Variants in EXT1 observed in about 807,000 individuals in gnomAD.
EXT1 encodes the protein exostosin-1.
A neutral mutation model predicts 82.5 loss-of-function variants in EXT1; 20 were observed. The observed-to-expected ratio is 0.24, with a 90% CI of 0.17 to 0.35. EXT1 has a LOEUF of 0.35. EXT1 is among the 10% of genes least tolerant of loss of function. The pLI is 1.00. For missense variants in EXT1, 757 were observed against 936.5 expected (o/e 0.81, Z 2.50); for synonymous variants, 348 against 350.8 (o/e 0.99, Z 0.09).
At chr8:117,971,514 C>G (rs553479656) in intron 1 of EXT1, among the ~76,000 whole-genome samples, 55 of 152,292 alleles carry the variant, frequency 3.6e-4, no homozygotes, top group African/African-American at 1.2e-3. Flanking sequence ...ATTAGAGAAG[C>G]AGTCTACTCA....
chr8:117,944,315 C>T (rs1455060053), intron 1 of EXT1, among the ~76,000 whole-genome samples: 2 of 152,096 alleles, frequency 1.3e-5, no homozygotes, highest in Non-Finnish European at 2.9e-5. Context: ...CAGGAGAATC[C>T]CTGGAATCCG....
At chr8:117,996,539 A>G (rs1218023229) in intron 1 of EXT1, among the ~76,000 whole-genome samples, 1 of 152,172 alleles carries the variant, frequency 6.6e-6, no homozygotes, top group Non-Finnish European at 1.5e-5. Context: ...GAGACCCTAT[A>G]CATCGTGGAA....
At chr8:117,811,192 T>C (rs913217801) in intron 8 of EXT1, among the ~76,000 whole-genome samples, 4 of 152,172 alleles carry the variant, frequency 2.6e-5, no homozygotes, top group African/African-American at 7.2e-5. Flanking sequence ...GGATATAGCC[T>C]GGAACTGTGT....
intron 1 of EXT1, among the ~76,000 whole-genome samples, chr8:117,995,804 C>T (rs77011593): frequency 6.6e-6 from 1 of 152,300 alleles, no homozygotes; most frequent in Non-Finnish European, 1.5e-5. Context: ...GATACCTATA[C>T]ATGCCTTCCC....
chr8:118,034,461 T>A (rs1816384890), intron 1 of EXT1, among the ~76,000 whole-genome samples: 1 of 152,036 alleles, frequency 6.6e-6, no homozygotes, highest in Non-Finnish European at 1.5e-5. Context: ...GCTGACAACA[T>A]CTCTCAGAGC....
intron 1 of EXT1, among the ~76,000 whole-genome samples, chr8:118,030,637 A>G (rs2129877368): frequency 6.6e-6 from 1 of 152,260 alleles, no homozygotes; most frequent in South Asian, 2.1e-4. Context: ...ATGTGCCACC[A>G]CGCCCAGCTA....
intron 1 of EXT1, among the ~76,000 whole-genome samples, chr8:117,877,638 G>A (rs938405067): frequency 6.6e-6 from 1 of 152,072 alleles, no homozygotes; most frequent in Non-Finnish European, 1.5e-5. Context: ...CCAACCTAAC[G>A]ATGACAAAGC....
At chr8:117,886,326 T>G (rs1478821928) in intron 1 of EXT1, among the ~76,000 whole-genome samples, 3 of 152,222 alleles carry the variant, frequency 2.0e-5, no homozygotes, top group African/African-American at 7.2e-5. Flanking sequence ...TGGTGAATGC[T>G]ATTCACTAGG....
intron 1 of EXT1, among the ~76,000 whole-genome samples, chr8:118,009,847 C>T (rs1411944799): frequency 3.9e-5 from 6 of 152,132 alleles, no homozygotes; most frequent in Admixed American, 6.5e-5. Flanking sequence ...TTGTCTTCCA[C>T]GAAACCGGTT....
intron 4 of EXT1, among the ~76,000 whole-genome samples, chr8:117,826,301 C>G (rs1221903517): frequency 1.3e-5 from 2 of 152,152 alleles, no homozygotes; most frequent in African/African-American, 4.8e-5. Flanking sequence ...AACTCTAGGG[C>G]TCATAATTGC....
rs976722611 is a variant in EXT1 at position 117,797,809 on chromosome 8, T to C, written c.*1903A>G. 1 of 152,212 alleles carries C rather than the reference T, an allele frequency of 6.6e-6. No homozygotes were observed. Among genetic ancestry groups the C allele is most frequent in the African/African-American group, 2.4e-5 (1 of 41,466 alleles). 9.4% of individuals were successfully genotyped at this position (152,212 alleles called of 1,614,324 possible). A position where few individuals can be genotyped will look rare whatever the true frequency, so the allele number is the denominator to read the frequency against. On this transcript the variant is annotated 3_prime_UTR_variant, in exon 11 of 11. Transcript: ENST00000378204. The stretch of plus-strand genomic sequence containing the variant: ...ATAATCACATCTACTTAGGGGAAAA[T>C]GTCACATGTTTGAGAATGGACTATG...
chr8:117,990,699 C>T (rs767464537), intron 1 of EXT1, among the ~76,000 whole-genome samples: 5 of 152,362 alleles, frequency 3.3e-5, no homozygotes, highest in Non-Finnish European at 7.3e-5. Context: ...CCTCATCTTG[C>T]TTGCATTTGG....
rs565595338 is a variant in EXT1 at position 117,893,220 on chromosome 8, C to T, written c.963-56019G>A. On this transcript the variant is annotated intron_variant, in intron 1 of 10. Coordinates refer to ENST00000378204, the MANE Select transcript of EXT1 (RefSeq NM_000127.3). ...CAGAACAGAAATATCCACGATATGC[C>T]ATCATCTTCCTTTTCCAAGTGAACT... Among the ~76,000 whole-genome samples the T allele has an allele frequency of 3.0e-4, 46 of 152,288 alleles. No homozygotes were observed. The South Asian group carries it at 8.5e-3, about 28-fold the overall frequency.
At chr8:117,922,621 G>C (rs1813877154) in intron 1 of EXT1, among the ~76,000 whole-genome samples, 1 of 152,128 alleles carries the variant, frequency 6.6e-6, no homozygotes, top group Admixed American at 6.5e-5. Context: ...AGGAGAACAA[G>C]AGAGAAGCTG....
intron 1 of EXT1, among the ~76,000 whole-genome samples, chr8:117,843,716 G>A (rs1812308521): frequency 6.6e-6 from 1 of 152,108 alleles, no homozygotes; most frequent in Non-Finnish European, 1.5e-5. Context: ...TACCAATGGT[G>A]TTCTCAGGAC....
At chr8:117,890,777 A>T (rs1813228930) in intron 1 of EXT1, among the ~76,000 whole-genome samples, 1 of 152,132 alleles carries the variant, frequency 6.6e-6, no homozygotes, top group Admixed American at 6.5e-5. Context: ...CCAAGATCTC[A>T]TCCCATCTTG....
intron 1 of EXT1, among the ~76,000 whole-genome samples, chr8:117,987,318 G>A (rs779282000): frequency 2.6e-5 from 4 of 152,288 alleles, no homozygotes; most frequent in Admixed American, 1.3e-4. Flanking sequence ...ACCAGACACT[G>A]GGAAAACCCC....
At chr8:117,882,306 C>T (rs1175716375) in intron 1 of EXT1, among the ~76,000 whole-genome samples, 1 of 152,270 alleles carries the variant, frequency 6.6e-6, no homozygotes, top group East Asian at 1.9e-4. Flanking sequence ...TGGTCTCGAA[C>T]TCCTGACCTC....
intron 1 of EXT1, among the ~76,000 whole-genome samples, chr8:117,949,436 C>G (rs1231897891): frequency 6.6e-6 from 1 of 150,758 alleles, no homozygotes; most frequent in African/African-American, 2.4e-5. Flanking sequence ...ACAGGTAAGT[C>G]TAATATCAGT....
Sources: gnomAD v4.1 joint callset for allele counts (sites outside exome capture counted in the v4.1 genomes callset) on GRCh38, gnomAD v4.1.1 for gene constraint, MANE v1.5 for transcripts, NCBI Gene and HGNC (gene_info 2026-07-23, HGNC 2026-07-21) for gene names.